HSPG2: variants seen among roughly 807,000 people sequenced by gnomAD.
HSPG2 encodes the protein heparan sulfate proteoglycan 2, also known as basement membrane-specific heparan sulfate proteoglycan core protein.
Under a neutral mutation model 526.6 loss-of-function variants are expected in HSPG2, and 278 were observed. The observed-to-expected ratio is 0.53, with a 90% CI of 0.48 to 0.58. The LOEUF (loss-of-function observed/expected upper bound fraction) is 0.58, where lower values mean the gene tolerates loss of function less well. HSPG2 is among the 20% of genes least tolerant of loss of function. The pLI is 0.00. For synonymous variants in HSPG2, 2,465 were observed against 2,555.4 expected, an observed-to-expected ratio of 0.96 and a Z score of 1.07; for missense variants, 5,354 against 6,099.5, an observed-to-expected ratio of 0.88 and a Z score of 4.07.
chr1:21,845,628 C>T (rs1638369271), intron 64 of HSPG2, among the ~76,000 whole-genome samples: 1 of 152,166 alleles, frequency 6.6e-6, no homozygotes, highest in African/African-American at 2.4e-5. Flanking sequence ...AATCTGCCCA[C>T]CTCGGCCTCC....
chr1:21,855,965 TCA>T (rs1262067352), intron 44 of HSPG2, 53 bp from the exon 45 acceptor site: 3 of 1,596,408 alleles, frequency 1.9e-6, no homozygotes, highest in Non-Finnish European at 1.7e-6. Context: ...GTCGTCTGAC[TCA>T]CACAACAGTC....
At chr1:21,882,400 TAC>T (rs56357321) in intron 13 of HSPG2, among the ~76,000 whole-genome samples, 13,824 of 142,508 alleles carry the variant, frequency 0.097, 644 homozygotes, top group East Asian at 0.16. Context: ...CTCTTCTATG[TAC>T]ACACACACAC....
intron 13 of HSPG2, among the ~76,000 whole-genome samples, chr1:21,882,661 C>A (rs898051066): frequency 4.6e-5 from 7 of 152,258 alleles, no homozygotes; most frequent in Admixed American, 3.3e-4. Context: ...ATGTCTTGTG[C>A]TGCTCAGGAA....
chr1:21,841,153 G>A lies in HSPG2; in HGVS notation c.9461C>T (p.Ala3154Val). ...ARWTRISSTPAKLEQRTYGLM... is the reference protein window; with the variant it reads ...ARWTRISSTPVKLEQRTYGLM... Reference sequence around the variant, plus strand: ...CCCATATGTCCGCTGCTCCAACTTGGCAGGGGTGCTGCTGATCCGGGTCCA... The same window carrying A: ...CCCATATGTCCGCTGCTCCAACTTGACAGGGGTGCTGCTGATCCGGGTCCA... Residue 3154 changes from alanine (A) to valine (V), a missense_variant, in exon 71 of 97, where the codon GCC (alanine) becomes GTC (valine). Ala to Val is a moderately conservative substitution (Grantham distance 64). Coordinates refer to ENST00000374695, the MANE Select transcript of HSPG2 (RefSeq NM_005529.7). The A allele has an allele frequency of 1.2e-6, 2 of 1,613,714 alleles. No homozygotes were observed. The highest frequency in any genetic ancestry group is 4.5e-5 in the East Asian group (2 of 44,886).
rs1215389201 is a variant in HSPG2 at position 21,846,007 on chromosome 1, C to T, written c.8464+101G>A. ...AGTCTGGAATCAGAGCGGCAGTTCT[C>T]GCCGAGTGCCAGAAAGTGTTTCCTT... On this transcript the variant is annotated intron_variant, in intron 64 of 96. Transcript: ENST00000374695. 5.7e-6 allele frequency: 8 copies of T among 1,407,350 alleles called. 1 individual carries two copies. Among genetic ancestry groups the T allele is most frequent in the Admixed American group, 3.4e-5 (2 of 59,484 alleles). 87.2% of individuals were successfully genotyped at this position (1,407,350 alleles called of 1,614,324 possible).
chr1:21,839,242 G>A lies in HSPG2; in HGVS notation c.9889+129C>T. The stretch of plus-strand genomic sequence containing the variant: ...AGGCCAGGGTGTGGGTGTCGGGCAG[G>A]GCAGGCTCCAGGACCCTGCAGCGCC... On this transcript the variant is annotated intron_variant, in intron 73 of 96. Transcript: ENST00000374695. This position sits in a 1 kb window ranked among gnomAD's most constrained non-coding sequence, Gnocchi z 4.5. The A allele has an allele frequency of 7.0e-7, 1 of 1,434,332 alleles. No homozygotes were observed. The allele number at this position is 1,434,332 out of a possible 1,614,324, so 88.9% of individuals were successfully genotyped here. A position where few individuals can be genotyped will look rare whatever the true frequency, so the allele number is the denominator to read the frequency against.
chr1:21,847,869 G>C lies in HSPG2; in HGVS notation c.7874-29C>G. On this transcript the variant is annotated intron_variant, in intron 60 of 96. Transcript: ENST00000374695. The surrounding 1 kb of genome is among the most constrained non-coding windows in gnomAD (Gnocchi z 4.1). ...GGGACAGACGGGTGTGGACCACGCA[G>C]CCAGAGTGAGATAACAGTGATGGCA... The C allele has an allele frequency of 2.5e-6, 4 of 1,613,860 alleles. No individual in the cohort carries two copies. The highest frequency in any genetic ancestry group is 3.4e-6 in the Non-Finnish European group (4 of 1,180,018).
chr1:21,860,338 T>A, intron 39 of HSPG2, 103 bp from the exon 40 acceptor site: 1 of 1,081,558 alleles, frequency 9.2e-7, no homozygotes, highest in Non-Finnish European at 1.4e-6. Context: ...CAATGTCAGG[T>A]GAGGAGGCTC....
intron 33 of HSPG2, among the ~76,000 whole-genome samples, chr1:21,867,119 A>ATT (rs1239540732): frequency 2.1e-4 from 1 of 4,874 alleles, no homozygotes; most frequent in East Asian, 9.4e-3. Flanking sequence ...TTGCTCAGGC[A>ATT]CTTTTTTTTT....
chr1:21,917,033 T>A (rs1643902332), intron 1 of HSPG2, among the ~76,000 whole-genome samples: 1 of 152,192 alleles, frequency 6.6e-6, no homozygotes, highest in Non-Finnish European at 1.5e-5. Context: ...AGATATCAAG[T>A]CTGTCTGCTT....
chr1:21,924,418 G>A (rs1321057667), intron 1 of HSPG2, among the ~76,000 whole-genome samples: 1 of 152,180 alleles, frequency 6.6e-6, no homozygotes, highest in Admixed American at 6.5e-5. Context: ...GGAAGACATG[G>A]GATTGGTGAT....
rs777402754 is a variant in HSPG2, at chr1:21,824,630, C to T, written c.12666-15G>A. 15 of 1,613,828 alleles carry T rather than the reference C, an allele frequency of 9.3e-6. No individual in the cohort carries two copies. Among genetic ancestry groups the T allele is most frequent in the African/African-American group, 8.0e-5 (6 of 74,924 alleles). Reference sequence around the variant, plus strand: ...CCTCGGGCAGGCTGCGGAGGAAGAGCGGGTGAGGGGACAGAAGTCCCAGAT... The same window carrying T: ...CCTCGGGCAGGCTGCGGAGGAAGAGTGGGTGAGGGGACAGAAGTCCCAGAT... On this transcript the variant is annotated splice_polypyrimidine_tract_variant and intron_variant, in intron 92 of 96. Transcript: ENST00000374695. The surrounding 1 kb of genome is among the most constrained non-coding windows in gnomAD (Gnocchi z 5.9).
Position 21,859,468 on chromosome 1 carries a change from C to A in HSPG2, c.5293+98G>T, listed in dbSNP as rs545909305. The A allele has an allele frequency of 2.2e-6, 2 of 929,334 alleles. No individual in the cohort carries two copies. The highest frequency in any genetic ancestry group is 1.4e-5 in the South Asian group (1 of 70,888). The allele number at this position is 929,334 out of a possible 1,614,324, so 57.6% of individuals were successfully genotyped here. A position where few individuals can be genotyped will look rare whatever the true frequency, so the allele number is the denominator to read the frequency against. ...GCTGACCTTGTTCGGGCAACCACTG[C>A]CCCCTCCCAGCAGGTGAATGCACCA... On this transcript the variant is annotated intron_variant, in intron 42 of 96. Coordinates refer to ENST00000374695, the MANE Select transcript of HSPG2 (RefSeq NM_005529.7). The surrounding 1 kb of genome is among the most constrained non-coding windows in gnomAD (Gnocchi z 5.3).
chr1:21,865,875 G>T lies in HSPG2; in HGVS notation c.4222-66C>A. 1 of 1,254,906 alleles carries T rather than the reference G, an allele frequency of 8.0e-7. No individual in the cohort carries two copies. The highest frequency in any genetic ancestry group is 1.2e-6 in the Non-Finnish European group (1 of 856,536). 77.7% of individuals were successfully genotyped at this position (1,254,906 alleles called of 1,614,324 possible). On this transcript the variant is annotated intron_variant, in intron 33 of 96. Transcript: ENST00000374695. This position sits in a 1 kb window ranked among gnomAD's most constrained non-coding sequence, Gnocchi z 5.4. ...GGTGTGAGTGTTGGACCATATAGGT[G>T]AGGGATGGAGCATCTGGCGGCCTTT...
At chr1:21,884,008 T>A (rs942328762) in intron 13 of HSPG2, among the ~76,000 whole-genome samples, 1 of 152,224 alleles carries the variant, frequency 6.6e-6, no homozygotes, top group African/African-American at 2.4e-5. Context: ...TGCCAAAGCC[T>A]GGGCTCCTAT....
chr1:21,900,009 T>C (rs1431809888), intron 1 of HSPG2, among the ~76,000 whole-genome samples: 1 of 152,226 alleles, frequency 6.6e-6, no homozygotes, highest in Admixed American at 6.5e-5. Context: ...GTGCAGCATG[T>C]GCCTCAGGTC....
At position 21,828,065 on chromosome 1, in the gene HSPG2, C is replaced by A; in HGVS notation, c.12497G>T (p.Cys4166Phe). 1 of 1,613,492 alleles carries A rather than the reference C, an allele frequency of 6.2e-7. No homozygotes were observed. The highest frequency in any genetic ancestry group is 1.1e-5 in the South Asian group (1 of 91,080). Residue 4166 changes from cysteine to phenylalanine, a missense_variant, in exon 90 of 97, where the codon TGC (cysteine) becomes TTC (phenylalanine). Physicochemically the swap from Cys to Phe is radical, Grantham distance 205. Coordinates refer to ENST00000374695, the MANE Select transcript of HSPG2 (RefSeq NM_005529.7). The surrounding 1 kb of genome is among the most constrained non-coding windows in gnomAD (Gnocchi z 6.0). ...GGTCQGTRCL[C>F]LPGFSGPRCQ... ...GCGTGGGCCAGAGAAGCCAGGGAGG[C>A]AGAGGCAGCGGGTGCCCTGGCAGGT...
chr1:21,891,153 CGCTCCCCTGG>C (rs1156286292), intron 3 of HSPG2, among the ~76,000 whole-genome samples: 1 of 152,198 alleles, frequency 6.6e-6, no homozygotes, highest in Non-Finnish European at 1.5e-5. Context: ...GGGTAGAGAC[CGCTCCCCTGG>C]GCTCCCACAG....
In HSPG2 at chr1:21,865,317, C is replaced by T. The variant is rs750944653; in HGVS notation, c.4363G>A (p.Glu1455Lys). ...AACATGATCTCGTAGCTCCTCCTCT[C>T]AGGGCCCTGCAGCGCTGGCTGGGAG... ...VASQPALQGP[E>K]RRSYEIMFRE... The change falls in exon 35 of 97, where the codon GAG becomes AAG. Residue 1455 changes from glutamate to lysine, a missense_variant. Glu to Lys is a moderately conservative substitution (Grantham distance 56). Transcript: ENST00000374695. This position sits in a 1 kb window ranked among gnomAD's most constrained non-coding sequence, Gnocchi z 5.4. 2.5e-6 allele frequency: 4 copies of T among 1,613,978 alleles called. No homozygotes were observed. The African/African-American group carries it at 4.0e-5, about 16-fold the overall frequency.
Sources: gnomAD v4.1 joint callset for allele counts (sites outside exome capture counted in the v4.1 genomes callset) on GRCh38, gnomAD v4.1.1 for gene constraint, Gnocchi (gnomAD v3.1) non-coding constraint, MANE v1.5 for transcripts, NCBI Gene and HGNC (gene_info 2026-07-23, HGNC 2026-07-21) for gene names.